CPSF4: variants seen among roughly 807,000 people sequenced by gnomAD.
The protein encoded by CPSF4 is cleavage and polyadenylation specific factor 4.
In CPSF4, 11 loss-of-function variants were observed where a neutral mutation model predicts 37.7. The ratio of observed to expected loss-of-function variants is 0.29; its 90% CI spans 0.18 to 0.48. CPSF4 has a LOEUF of 0.48. CPSF4 is among the 20% of genes least tolerant of loss of function. The pLI is 0.99. For missense variants in CPSF4, 144 were observed against 359.5 expected, an observed-to-expected ratio of 0.40 and a Z score of 4.85; for synonymous variants, 132 against 135.9, an observed-to-expected ratio of 0.97 and a Z score of 0.20.
At position 99,444,817 on chromosome 7, in the gene CPSF4, T is replaced by C; in HGVS notation, c.132T>C (p.Phe44=). Reference sequence around the variant, plus strand: ...CGGGCGCTGCTGTCTGTGAATTCTTTTTGAAAGCTGCCTGCGGCAAAGGTA... The same window carrying C: ...CGGGCGCTGCTGTCTGTGAATTCTTCTTGAAAGCTGCCTGCGGCAAAGGTA... ...DKSGAAVCEF[F]LKAACGKGGM... is the part of the protein sequence containing the mutation. Residue 44 remains phenylalanine, a synonymous_variant, in exon 2 of 8, where the codon TTT becomes TTC. Transcript: ENST00000292476. 1 of 1,613,862 alleles carries C rather than the reference T, an allele frequency of 6.2e-7. No individual in the cohort carries two copies. Among genetic ancestry groups the C allele is most frequent in the East Asian group, 2.2e-5 (1 of 44,876 alleles).
chr7:99,456,520 C>T lies in CPSF4; in HGVS notation c.*20C>T, dbSNP rs745819271. Reference sequence around the variant, plus strand: ...CAGTGACAGCAGCTGGAGCCAGCTCCGAGCAGCCCGGGGGCCCCGCTGTTG... The same window carrying T: ...CAGTGACAGCAGCTGGAGCCAGCTCTGAGCAGCCCGGGGGCCCCGCTGTTG... On this transcript the variant is annotated 3_prime_UTR_variant, in exon 8 of 8. Transcript: ENST00000292476. The T allele has an allele frequency of 1.6e-5, 25 of 1,612,338 alleles. No homozygotes were observed. The highest frequency in any genetic ancestry group is 1.6e-4 in the Middle Eastern group (1 of 6,082).
In CPSF4 at chr7:99,454,108, G is replaced by A; in HGVS notation, c.713G>A (p.Arg238Gln). The change falls in exon 7 of 8, where the codon CGG becomes CAG. Residue 238 changes from arginine (R) to glutamine (Q), a missense_variant. Coordinates refer to ENST00000292476, the MANE Select transcript of CPSF4 (RefSeq NM_006693.4). ...AGCAGCGCGGGCAACCGGGGACCCC[G>A]GCCACTGGAGCAGGTCACCTGTTAC... ...QNSSAGNRGP[R>Q]PLEQVTCYKC... 1 of 1,614,000 alleles carries A rather than the reference G, an allele frequency of 6.2e-7. No homozygotes were observed. The highest frequency in any genetic ancestry group is 8.5e-7 in the Non-Finnish European group (1 of 1,179,960).
In CPSF4 at chr7:99,453,929, T is replaced by G; in HGVS notation, c.571-37T>G. ...CCATCGGTAGTCTGCGTGCACGTGT[T>G]TTCCACAGTAAAACCGTGTTGTGTA... On this transcript the variant is annotated intron_variant, in intron 6 of 7. Transcript: ENST00000292476. The surrounding 1 kb of genome is among the most constrained non-coding windows in gnomAD (Gnocchi z 4.7). 6.2e-7 allele frequency: 1 copy of G among 1,603,166 alleles called. No homozygotes were observed. The highest frequency in any genetic ancestry group is 8.5e-7 in the Non-Finnish European group (1 of 1,171,484).
chr7:99,440,874 T>TCA (rs1164354672), intron 1 of CPSF4, among the ~76,000 whole-genome samples: 6 of 148,534 alleles, frequency 4.0e-5, no homozygotes, highest in African/African-American at 1.0e-4. Context: ...CTGCTCAAAT[T>TCA]CACACACACA....
intron 2 of CPSF4, among the ~76,000 whole-genome samples, chr7:99,445,114 T>C (rs901160424): frequency 4.6e-4 from 70 of 152,170 alleles, no homozygotes; most frequent in African/African-American, 1.6e-3. Context: ...GCCCCCAGCA[T>C]TGAGACACTC....
At chr7:99,444,743 C>T in intron 1 of CPSF4, 46 bp from the exon 2 acceptor site, 1 of 1,573,086 alleles carries the variant, frequency 6.4e-7, no homozygotes, top group Non-Finnish European at 8.7e-7. Flanking sequence ...TTGTCAATAG[C>T]AAATTGCACC....
chr7:99,442,473 G>A (rs994812162), intron 1 of CPSF4, among the ~76,000 whole-genome samples: 10 of 151,638 alleles, frequency 6.6e-5, no homozygotes, highest in Admixed American at 2.0e-4. Context: ...TGGCTAACAC[G>A]GTGAAACCCC....
At chr7:99,444,865 T>G (rs752081731) in intron 2 of CPSF4, 26 bp downstream of exon 2, 15 of 1,610,692 alleles carry the variant, frequency 9.3e-6, no homozygotes, top group Non-Finnish European at 1.3e-5. Context: ...CTCCCTGATG[T>G]GCCTCCGGAG....
intron 1 of CPSF4, chr7:99,439,717 C>G (rs976366191): frequency 6.6e-6 from 1 of 152,290 alleles, no homozygotes; most frequent in African/African-American, 2.4e-5. Flanking sequence ...GGATATCACA[C>G]CCGCTACGTT....
Position 99,448,061 on chromosome 7 carries a change from C to T in CPSF4, c.155-60C>T, listed in dbSNP as rs905942247. ...TGAAGGTACCTCAGCTTCTTCAGGCCGTGTCCCCCAGGCTCAGGGTGGCCT... is the reference window on the plus strand; with the variant it reads ...TGAAGGTACCTCAGCTTCTTCAGGCTGTGTCCCCCAGGCTCAGGGTGGCCT... On this transcript the variant is annotated intron_variant, in intron 2 of 7. Coordinates refer to ENST00000292476, the MANE Select transcript of CPSF4 (RefSeq NM_006693.4). The surrounding 1 kb of genome is among the most constrained non-coding windows in gnomAD (Gnocchi z 4.4). 2.6e-5 allele frequency: 41 copies of T among 1,572,358 alleles called. No individual in the cohort carries two copies. The highest frequency in any genetic ancestry group is 1.9e-5 in the Non-Finnish European group (22 of 1,151,496).
rs755235208 is a variant in CPSF4, at chr7:99,452,415, C to T, written c.545C>T (p.Pro182Leu). Residue 182 changes from proline (P) to leucine (L), a missense_variant, in exon 6 of 8, where the codon CCG becomes CTG. By Grantham distance (98) the Pro-to-Leu change is moderately conservative. Transcript: ENST00000292476. ...PMGTTEQPPL[P>L]QQTQPPAKQS... ...GGAACCACCGAGCAGCCCCCACTGCCGCAGCAGACACAGCCTCCAGCAAAG... is the reference window on the plus strand; with the variant it reads ...GGAACCACCGAGCAGCCCCCACTGCTGCAGCAGACACAGCCTCCAGCAAAG... 29 of 1,613,914 alleles carry T rather than the reference C, an allele frequency of 1.8e-5. No homozygotes were observed. The highest frequency in any genetic ancestry group is 2.2e-5 in the East Asian group (1 of 44,884).
rs367662921 is a variant in CPSF4, at chr7:99,441,096, G to A, written c.103+1911G>A. 1.3e-4 allele frequency among the ~76,000 whole-genome samples: 19 copies of A among 151,652 alleles called. No homozygotes were observed. In the South Asian group the frequency reaches 2.1e-3, roughly 17 times the overall value. On this transcript the variant is annotated intron_variant, in intron 1 of 7. Transcript: ENST00000292476. ...CTCCTGAGTAGCTGGGATTATAGGC[G>A]CCCACCACCACGCCCAACTAATTTT...
chr7:99,448,497 G>A lies in CPSF4; in HGVS notation c.307+224G>A, dbSNP rs1797702152. The stretch of plus-strand genomic sequence containing the variant: ...TTTTTTTTTAAAGACATAGGGTCTC[G>A]CTATGTTTCACATACTGGTCTTGAA... On this transcript the variant is annotated intron_variant, in intron 3 of 7. Coordinates refer to ENST00000292476, the MANE Select transcript of CPSF4 (RefSeq NM_006693.4). The surrounding 1 kb of genome is among the most constrained non-coding windows in gnomAD (Gnocchi z 4.4). The A allele has an allele frequency of 4.3e-6, 2 of 469,248 alleles. No homozygotes were observed. The highest frequency in any genetic ancestry group is 2.2e-5 in the African/African-American group (1 of 45,428). 29.1% of individuals were successfully genotyped at this position (469,248 alleles called of 1,614,324 possible). A position where few individuals can be genotyped will look rare whatever the true frequency, so the allele number is the denominator to read the frequency against.
At chr7:99,444,175 G>A (rs190273253) in intron 1 of CPSF4, among the ~76,000 whole-genome samples, 1 of 152,214 alleles carries the variant, frequency 6.6e-6, no homozygotes, top group Admixed American at 6.5e-5. Context: ...ATTCCTGTGT[G>A]TCAGGCACTT....
At chr7:99,445,981 A>G (rs1365626607) in intron 2 of CPSF4, among the ~76,000 whole-genome samples, 1 of 152,236 alleles carries the variant, frequency 6.6e-6, no homozygotes, top group East Asian at 1.9e-4. Flanking sequence ...AGGAAAATTT[A>G]TTTAGGAGAC....
At chr7:99,440,505 C>CTT (rs1440899442) in intron 1 of CPSF4, among the ~76,000 whole-genome samples, 2 of 151,442 alleles carry the variant, frequency 1.3e-5, no homozygotes, top group East Asian at 3.9e-4. Context: ...TGCACCAACA[C>CTT]GCCTGGCAAA....
rs925366399 is a variant in CPSF4, at chr7:99,457,009, T to C, written c.*509T>C. ...TTTGGGGCAAATTCAGGTGCCCCCA[T>C]TGCCTCAGGCTGGCCCTGGTCCCAG... On this transcript the variant is annotated 3_prime_UTR_variant, in exon 8 of 8. Transcript: ENST00000292476. 12 of 254,182 alleles carry C rather than the reference T, an allele frequency of 4.7e-5. No homozygotes were observed. The highest frequency in any genetic ancestry group is 2.2e-4 in the African/African-American group (10 of 45,288). The allele number at this position is 254,182 out of a possible 1,614,324, so 15.7% of individuals were successfully genotyped here.
chr7:99,453,561 T>A lies in CPSF4; in HGVS notation c.571-405T>A, dbSNP rs1391747406. ...CTCAGCCCGAGAACGCAGCTCAGTG[T>A]GTCAGGCTCCAACTGTTTTTCTGTG... On this transcript the variant is annotated intron_variant, in intron 6 of 7. Transcript: ENST00000292476. The surrounding 1 kb of genome is among the most constrained non-coding windows in gnomAD (Gnocchi z 4.7). 2 of 159,178 alleles carry A rather than the reference T, an allele frequency of 1.3e-5. No individual in the cohort carries two copies. The highest frequency in any genetic ancestry group is 1.9e-4 in the East Asian group (1 of 5,340). 9.9% of individuals were successfully genotyped at this position (159,178 alleles called of 1,614,324 possible).
intron 2 of CPSF4, 158 bp from the exon 3 acceptor site, chr7:99,447,963 T>C (rs907022094): frequency 9.2e-6 from 6 of 655,310 alleles, no homozygotes; most frequent in Admixed American, 7.4e-5. Flanking sequence ...TCAAATCATG[T>C]TGCCTTCTGT....
Sources: gnomAD v4.1 joint callset for allele counts (sites outside exome capture counted in the v4.1 genomes callset) on GRCh38, gnomAD v4.1.1 for gene constraint, Gnocchi (gnomAD v3.1) non-coding constraint, MANE v1.5 for transcripts, NCBI Gene and HGNC (gene_info 2026-07-23, HGNC 2026-07-21) for gene names.